Variants in STXBP6 observed in about 807,000 individuals in gnomAD.
The protein encoded by STXBP6 is syntaxin binding protein 6.
Under a neutral mutation model 26.9 loss-of-function variants are expected in STXBP6, and 21 were observed. The ratio of observed to expected loss-of-function variants is 0.78; its 90% CI spans 0.55 to 1.12. STXBP6 has a LOEUF of 1.12. STXBP6 is among the 50% of genes most tolerant of loss of function. The pLI is 0.00. For missense variants in STXBP6, 232 were observed against 257.9 expected, an observed-to-expected ratio of 0.90 and a Z score of 0.69; for synonymous variants, 97 against 92.6, an observed-to-expected ratio of 1.05 and a Z score of -0.27.
At chr14:24,856,940 T>A in intron 3 of STXBP6, 87 bp downstream of exon 3, 1 of 1,476,576 alleles carries the variant, frequency 6.8e-7, no homozygotes, top group South Asian at 1.4e-5. Context: ...TAAGAATGAT[T>A]CAAACCACCA....
At chr14:25,044,013 TA>T (rs143997409) in intron 1 of STXBP6, among the ~76,000 whole-genome samples, 46,300 of 150,690 alleles carry the variant, frequency 0.31, 7,209 homozygotes, top group Non-Finnish European at 0.32. Context: ...CTACCAAAAA[TA>T]AAAAAAATTA....
chr14:24,820,381 C>T (rs1488357517), intron 4 of STXBP6, among the ~76,000 whole-genome samples: 1 of 152,138 alleles, frequency 6.6e-6, no homozygotes, highest in East Asian at 1.9e-4. Flanking sequence ...GGAGGAAGCA[C>T]TTAGTAAATG....
chr14:24,954,619 T>A (rs186581281), intron 2 of STXBP6, among the ~76,000 whole-genome samples: 189 of 152,260 alleles, frequency 1.2e-3, no homozygotes, highest in Admixed American at 2.1e-3. Flanking sequence ...GGAACAAGCA[T>A]GTGCAGGAGG....
chr14:24,978,146 A>T (rs7143179), intron 1 of STXBP6, among the ~76,000 whole-genome samples: 62,534 of 152,048 alleles, frequency 0.41, 14,971 homozygotes, highest in African/African-American at 0.68. Context: ...CAATAACTTA[A>T]GAGTATCCCA....
chr14:24,979,643 C>T (rs2074136213), intron 1 of STXBP6, among the ~76,000 whole-genome samples: 1 of 152,134 alleles, frequency 6.6e-6, no homozygotes, highest in Non-Finnish European at 1.5e-5. Context: ...GGCTTTAAAC[C>T]CATATACCTA....
chr14:24,947,349 A>G (rs946757668), intron 2 of STXBP6, among the ~76,000 whole-genome samples: 18 of 152,236 alleles, frequency 1.2e-4, no homozygotes, highest in African/African-American at 4.3e-4. Context: ...GGCATTTTGA[A>G]GAAAATAGGG....
At chr14:25,012,543 T>G (rs1461181344) in intron 1 of STXBP6, among the ~76,000 whole-genome samples, 1 of 152,128 alleles carries the variant, frequency 6.6e-6, no homozygotes, top group East Asian at 1.9e-4. Flanking sequence ...GAGGTTGCAG[T>G]GAGCTGAGAT....
intron 2 of STXBP6, among the ~76,000 whole-genome samples, chr14:24,966,421 C>T (rs2073736075): frequency 6.6e-6 from 1 of 150,814 alleles, no homozygotes. Flanking sequence ...AGTGTGTCTA[C>T]TTTGGAGTCA....
At chr14:25,010,327 A>C (rs1453943713) in intron 1 of STXBP6, among the ~76,000 whole-genome samples, 1 of 152,216 alleles carries the variant, frequency 6.6e-6, no homozygotes, top group Non-Finnish European at 1.5e-5. Context: ...TATTCAGGCA[A>C]TTAAAATGCG....
intron 2 of STXBP6, among the ~76,000 whole-genome samples, chr14:24,861,751 C>G (rs2069546476): frequency 6.6e-6 from 1 of 152,118 alleles, no homozygotes; most frequent in Non-Finnish European, 1.5e-5. Flanking sequence ...CAGGATTGAT[C>G]TTTTGCTTCT....
At chr14:24,847,275 C>T (rs2068994794) in intron 4 of STXBP6, among the ~76,000 whole-genome samples, 1 of 152,108 alleles carries the variant, frequency 6.6e-6, no homozygotes, top group Non-Finnish European at 1.5e-5. Context: ...TACAGCAGAA[C>T]AACAGCTTTT....
intron 2 of STXBP6, among the ~76,000 whole-genome samples, chr14:24,951,043 T>C (rs2073152017): frequency 6.6e-6 from 1 of 152,184 alleles, no homozygotes; most frequent in African/African-American, 2.4e-5. Flanking sequence ...TCCAGCTTCA[T>C]CCACGTCCCT....
At chr14:24,865,404 G>C (rs570644816) in intron 2 of STXBP6, among the ~76,000 whole-genome samples, 1 of 152,120 alleles carries the variant, frequency 6.6e-6, no homozygotes, top group Non-Finnish European at 1.5e-5. Context: ...GAGTTGAAGC[G>C]AGTGCTGAGA....
chr14:24,923,847 T>G (rs2072068396), intron 2 of STXBP6, among the ~76,000 whole-genome samples: 1 of 152,192 alleles, frequency 6.6e-6, no homozygotes, highest in Non-Finnish European at 1.5e-5. Flanking sequence ...TGCAAATATC[T>G]TCTCCTTGCA....
chr14:24,834,806 C>T (rs1236648711), intron 4 of STXBP6, among the ~76,000 whole-genome samples: 1 of 152,162 alleles, frequency 6.6e-6, no homozygotes, highest in East Asian at 1.9e-4. Context: ...GTAGAGATGA[C>T]TTGTTTGCAG....
chr14:24,931,287 A>G (rs1041365739), intron 2 of STXBP6, among the ~76,000 whole-genome samples: 7 of 151,742 alleles, frequency 4.6e-5, no homozygotes, highest in African/African-American at 1.2e-4. Context: ...CCTAATGTCA[A>G]TGACGAGTTA....
chr14:24,898,285 T>C (rs8005503), intron 2 of STXBP6, among the ~76,000 whole-genome samples: 51,366 of 152,084 alleles, frequency 0.34, 8,794 homozygotes, highest in African/African-American at 0.41. Context: ...TTAATAAATA[T>C]TCTTCAACTG....
At chr14:24,837,375 G>C (rs986747071) in intron 4 of STXBP6, among the ~76,000 whole-genome samples, 2 of 152,318 alleles carry the variant, frequency 1.3e-5, no homozygotes, top group East Asian at 3.9e-4. Context: ...TTCGGGGGTA[G>C]AATCATATCC....
At chr14:25,005,280 TAAC>T (rs2074863261) in intron 1 of STXBP6, among the ~76,000 whole-genome samples, 1 of 152,182 alleles carries the variant, frequency 6.6e-6, no homozygotes, top group Non-Finnish European at 1.5e-5. Flanking sequence ...TCAAGTATGC[TAAC>T]AACAGTTGCA....
Sources: gnomAD v4.1 joint callset for allele counts (sites outside exome capture counted in the v4.1 genomes callset) on GRCh38, gnomAD v4.1.1 for gene constraint, MANE v1.5 for transcripts, NCBI Gene and HGNC (gene_info 2026-07-23, HGNC 2026-07-21) for gene names.